SARNP: variants seen among roughly 807,000 people sequenced by gnomAD.
SARNP encodes the protein SAP domain-containing ribonucleoprotein.
In SARNP, 5 loss-of-function variants were observed where a neutral mutation model predicts 38.1. That is an observed-to-expected ratio of 0.13 (90% CI 0.07 to 0.28). The LOEUF is 0.28. Ranked by LOEUF, SARNP falls within the 10% of genes least tolerant of loss-of-function variation. The pLI is 1.00. For synonymous variants in SARNP, 84 were observed against 80.6 expected (o/e 1.04, Z -0.23); for missense variants, 180 against 243.9 (o/e 0.74, Z 1.75).
intron 1 of SARNP, among the ~76,000 whole-genome samples, chr12:55,809,206 AAAAC>A (rs894020629): frequency 1.1e-4 from 16 of 152,042 alleles, no homozygotes; most frequent in Admixed American, 2.0e-4. Context: ...ACCCTATCTC[AAAAC>A]AAACAAAAAA....
chr12:55,763,407 G>A (rs955147247), intron 9 of SARNP, among the ~76,000 whole-genome samples: 1 of 151,762 alleles, frequency 6.6e-6, no homozygotes, highest in African/African-American at 2.4e-5. Context: ...CACCTTCCAG[G>A]TTCAAGGGAT....
downstream of SARNP, chr12:55,754,607 C>G (rs1429641438): frequency 6.6e-6 from 1 of 152,212 alleles, no homozygotes; most frequent in African/African-American, 2.4e-5. Context: ...AACTAGGGCA[C>G]TCATACCTAG....
At chr12:55,763,370 G>A (rs1184242204) in intron 9 of SARNP, among the ~76,000 whole-genome samples, 2 of 151,104 alleles carry the variant, frequency 1.3e-5, no homozygotes, top group African/African-American at 2.4e-5. Flanking sequence ...GGAGTGCAGT[G>A]GTGCCATCTT....
At position 55,796,070 on chromosome 12, in the gene SARNP, T is replaced by G. The variant is rs748931967; in HGVS notation, c.258A>C (p.Ala86=). The G allele has an allele frequency of 6.8e-6, 11 of 1,608,280 alleles. No homozygotes were observed. The highest frequency in any genetic ancestry group is 6.8e-6 in the Non-Finnish European group (8 of 1,175,082). Residue 86 remains alanine, a synonymous_variant, in exon 5 of 11, where the codon GCA becomes GCC. Coordinates refer to ENST00000336133, the MANE Select transcript of SARNP (RefSeq NM_033082.4). ...ATGTAATTTTCACCACTTTCTTCTC[T>G]GCTGCCCTAGAAAAGAAAGAGATTT... The part of the protein sequence containing the change: ...EPPEKTVDVA[A]EKKVVKITSE...
At chr12:55,775,200 TCTTTC>T (rs974257675) in intron 9 of SARNP, among the ~76,000 whole-genome samples, 1 of 148,946 alleles carries the variant, frequency 6.7e-6, no homozygotes, top group African/African-American at 2.5e-5. Context: ...CATTTCTATT[TCTTTC>T]CTAAGAATAT....
Position 55,781,044 on chromosome 12 carries a change from C to G in SARNP, c.501+8031G>C, listed in dbSNP as rs116046519. On this transcript the variant is annotated intron_variant, in intron 9 of 10. Coordinates refer to ENST00000336133, the MANE Select transcript of SARNP (RefSeq NM_033082.4). The stretch of plus-strand genomic sequence containing the variant: ...CTAACCTCTACACCAAAACCTATCA[C>G]TGAAGTGAAGGAACAAACAAATATT... 6.1e-3 allele frequency among the ~76,000 whole-genome samples: 927 copies of G among 152,296 alleles called. 8 individuals are homozygous for G. The highest frequency in any genetic ancestry group is 0.021 in the African/African-American group (865 of 41,560).
chr12:55,760,546 T>C lies in SARNP; in HGVS notation c.591+5A>G, dbSNP rs1227363613. On this transcript the variant is annotated splice_donor_5th_base_variant and intron_variant, in intron 10 of 10. Coordinates refer to ENST00000336133, the MANE Select transcript of SARNP (RefSeq NM_033082.4). ...GTCTATGAAGCGTTCCAGGTATATT[T>C]TTACCTCTGTATCCTCTGTGGTTCC... 4 of 1,577,802 alleles carry C rather than the reference T, an allele frequency of 2.5e-6. No homozygotes were observed.
intron 1 of SARNP, 52 bp downstream of exon 1, chr12:55,817,614 A>G: frequency 1.3e-6 from 2 of 1,557,442 alleles, no homozygotes; most frequent in Non-Finnish European, 1.8e-6. Context: ...GCTACCCTGT[A>G]GAATTCAGTT....
At chr12:55,794,273 A>G (rs1281828102) in intron 7 of SARNP, 86 bp downstream of exon 7, 1 of 1,192,624 alleles carries the variant, frequency 8.4e-7, no homozygotes, top group Non-Finnish European at 1.2e-6. Flanking sequence ...TAGCAAATTT[A>G]CCTTATTTTG....
rs1470533308 is a variant in SARNP, at chr12:55,790,611, TTTTA to T, written c.407-23_407-20del. 4 of 1,488,334 alleles carry T rather than the reference TTTTA, an allele frequency of 2.7e-6. No individual in the cohort carries two copies. The highest frequency in any genetic ancestry group is 3.6e-6 in the Non-Finnish European group (4 of 1,114,504). The allele number at this position is 1,488,334 out of a possible 1,614,324, so 92.2% of individuals were successfully genotyped here. Reference sequence around the variant, plus strand: ...GACAGACCTAAGGAAGTAAATAAAGTTTTATTTAATATTTTTAAAAGTCATCAAA... The same window carrying T: ...GACAGACCTAAGGAAGTAAATAAAGTTTTAATATTTTTAAAAGTCATCAAA... On this transcript the variant is annotated intron_variant, in intron 7 of 10. Coordinates refer to ENST00000336133, the MANE Select transcript of SARNP (RefSeq NM_033082.4).
chr12:55,788,997 G>A, intron 9 of SARNP, 78 bp downstream of exon 9: 1 of 893,180 alleles, frequency 1.1e-6, no homozygotes, highest in South Asian at 1.5e-5. Context: ...ATTCTCAGGA[G>A]GGTCATTTCC....
At chr12:55,804,451 T>C (rs1880076251) in intron 1 of SARNP, among the ~76,000 whole-genome samples, 1 of 150,630 alleles carries the variant, frequency 6.6e-6, no homozygotes, top group African/African-American at 2.4e-5. Flanking sequence ...GGACTAATAA[T>C]AAGCCAAAAC....
rs1223876241 is a variant in SARNP, at chr12:55,794,338, G to C, written c.406+21C>G. On this transcript the variant is annotated intron_variant, in intron 7 of 10. Coordinates refer to ENST00000336133, the MANE Select transcript of SARNP (RefSeq NM_033082.4). ...AAAGAATAAAAAGGTAACTTTCTCA[G>C]AAGTATCTCTGTACTCTTACCTTTT... 8 of 1,596,190 alleles carry C rather than the reference G, an allele frequency of 5.0e-6. No individual in the cohort carries two copies. In the Admixed American group the frequency reaches 1.0e-4, roughly 21 times the overall value.
intron 1 of SARNP, among the ~76,000 whole-genome samples, chr12:55,816,396 G>A (rs1592587658): frequency 6.6e-6 from 1 of 152,036 alleles, no homozygotes; most frequent in Non-Finnish European, 1.5e-5. Flanking sequence ...TCAAGAGACC[G>A]CTGATATAGT....
chr12:55,770,936 CT>C (rs376573673), intron 9 of SARNP, among the ~76,000 whole-genome samples: 7,687 of 135,348 alleles, frequency 0.057, 564 homozygotes, highest in African/African-American at 0.18. Context: ...CTTCTTCAAT[CT>C]TTTTTTTTTT....
chr12:55,768,461 A>C (rs1449410229), intron 9 of SARNP, among the ~76,000 whole-genome samples: 1 of 144,448 alleles, frequency 6.9e-6, no homozygotes, highest in African/African-American at 2.6e-5. Context: ...GTCCCACTCC[A>C]TCGCCCAGGC....
At chr12:55,764,215 T>C (rs977952074) in intron 9 of SARNP, among the ~76,000 whole-genome samples, 24 of 152,160 alleles carry the variant, frequency 1.6e-4, no homozygotes, top group African/African-American at 5.8e-4. Flanking sequence ...GGCTATTCCA[T>C]TTGTTGAGAT....
intron 9 of SARNP, among the ~76,000 whole-genome samples, chr12:55,772,593 CAA>C (rs1400839261): frequency 1.3e-5 from 2 of 152,026 alleles, no homozygotes; most frequent in Non-Finnish European, 2.9e-5. Context: ...CCCCAGAAAT[CAA>C]GTTTCTATTA....
chr12:55,809,182 G>A (rs139628914), intron 1 of SARNP, among the ~76,000 whole-genome samples: 1 of 151,956 alleles, frequency 6.6e-6, no homozygotes, highest in Non-Finnish European at 1.5e-5. Flanking sequence ...CTCCAGCCTG[G>A]GTAACAAAGG....
Sources: allele counts gnomAD v4.1 joint callset (sites outside exome capture counted in the v4.1 genomes callset), GRCh38; gene constraint gnomAD v4.1.1; transcripts MANE v1.5; gene names NCBI Gene and HGNC (gene_info 2026-07-23, HGNC 2026-07-21).